TPRKB: variants seen among roughly 807,000 people sequenced by gnomAD.
TPRKB encodes TP53RK binding protein, also known as EKC/KEOPS complex subunit TPRKB.
Under a neutral mutation model 17.8 loss-of-function variants are expected in TPRKB, and 11 were observed. The ratio of observed to expected loss-of-function variants is 0.62; its 90% confidence interval spans 0.39 to 1.02. TPRKB has a LOEUF of 1.02. Among genes scored for constraint, TPRKB ranks in the 50% least tolerant of loss-of-function variants. The pLI, the probability that TPRKB is intolerant of heterozygous loss-of-function variation, is 0.00. For synonymous variants in TPRKB, 71 were observed against 69.5 expected (o/e 1.02, Z -0.11); for missense variants, 228 against 198.0 (o/e 1.15, Z -0.91).
chr2:73,733,251 T>G (rs1390385991), intron 2 of TPRKB, among the ~76,000 whole-genome samples: 1 of 143,742 alleles, frequency 7.0e-6, no homozygotes, highest in East Asian at 2.0e-4. Flanking sequence ...GCCCTGTTTT[T>G]TTGTTTTTTT....
chr2:73,732,144 A>G lies in TPRKB; in HGVS notation c.264+19T>C, dbSNP rs1671639680. 6.2e-7 allele frequency: 1 copy of G among 1,608,912 alleles called. No individual in the cohort carries two copies. The highest frequency in any genetic ancestry group is 8.5e-7 in the Non-Finnish European group (1 of 1,178,038). On this transcript the variant is annotated intron_variant, in intron 3 of 4. Transcript: ENST00000272424. Reference sequence around the variant, plus strand: ...TGTTATTATGACACGGTCAACAGAAATAGGAAAGTGCACATTACATTGTTA... The same window carrying G: ...TGTTATTATGACACGGTCAACAGAAGTAGGAAAGTGCACATTACATTGTTA...
chr2:73,734,472 G>C lies in TPRKB; in HGVS notation c.98C>G (p.Ala33Gly). 6.2e-7 allele frequency: 1 copy of C among 1,613,872 alleles called. No homozygotes were observed. The highest frequency in any genetic ancestry group is 8.5e-7 in the Non-Finnish European group (1 of 1,179,914). Residue 33 changes from alanine (A) to glycine (G), a missense_variant, in exon 2 of 5, where the codon GCC (alanine) becomes GGC (glycine). Physicochemically the swap from Ala to Gly is moderately conservative, Grantham distance 60. Coordinates refer to ENST00000272424, the MANE Select transcript of TPRKB (RefSeq NM_016058.5). Reference protein sequence around the residue: ...VKNAGDLRRKAMEGTIDGSLI... With the variant: ...VKNAGDLRRKGMEGTIDGSLI... ...TGATCCATCGATGGTGCCTTCCATG[G>C]CCTTTCTTCTCAAGTCTCCCGCATT...
chr2:73,729,879 A>G lies in TPRKB; in HGVS notation c.*64T>C, dbSNP rs1671507561. The G allele has an allele frequency of 8.0e-6, 11 of 1,373,576 alleles. No homozygotes were observed. The highest frequency in any genetic ancestry group is 1.9e-4 in the Middle Eastern group (1 of 5,156). The allele number at this position is 1,373,576 out of a possible 1,614,324, so 85.1% of individuals were successfully genotyped here. ...TTCTATAATGCACAATTAGTTTTATAGTCAGGAAAGGAAAATCAATGTTTT... is the reference window on the plus strand; with the variant it reads ...TTCTATAATGCACAATTAGTTTTATGGTCAGGAAAGGAAAATCAATGTTTT... On this transcript the variant is annotated 3_prime_UTR_variant, in exon 5 of 5. Transcript: ENST00000272424.
chr2:73,730,815 C>T, intron 3 of TPRKB, 79 bp from the exon 4 acceptor site: 1 of 1,058,504 alleles, frequency 9.4e-7, no homozygotes, highest in Non-Finnish European at 1.3e-6. Context: ...CCTGATCTGC[C>T]TTCTTCCTTG....
intron 1 of TPRKB, among the ~76,000 whole-genome samples, chr2:73,736,764 A>G (rs768402268): frequency 3.9e-5 from 6 of 152,124 alleles, no homozygotes; most frequent in Non-Finnish European, 8.8e-5. Context: ...ATCCTTTCAA[A>G]ATGTACATCA....
chr2:73,733,578 A>G (rs895126811), intron 2 of TPRKB, among the ~76,000 whole-genome samples: 1 of 151,798 alleles, frequency 6.6e-6, no homozygotes, highest in Non-Finnish European at 1.5e-5. Context: ...AGGAACCCCC[A>G]TTTTAAAGAT....
In TPRKB at chr2:73,730,566, G is replaced by A; in HGVS notation, c.435C>T (p.Val145=). ...NLPEIMNITE[V]KKIYKLSSQE... ...AAAATATGGACTGGCAAACCTTTTT[G>A]ACTTCTGTAATATTCATTATTTCAG... The change falls in exon 4 of 5, where the codon GTC becomes GTT. Residue 145 remains valine, a synonymous_variant. Coordinates refer to ENST00000272424, the MANE Select transcript of TPRKB (RefSeq NM_016058.5). 2.5e-6 allele frequency: 4 copies of A among 1,578,246 alleles called. No individual in the cohort carries two copies. The highest frequency in any genetic ancestry group is 2.3e-5 in the East Asian group (1 of 43,154).
chr2:73,730,501 A>G, intron 4 of TPRKB, 59 bp downstream of exon 4: 1 of 1,223,010 alleles, frequency 8.2e-7, no homozygotes, highest in Non-Finnish European at 1.1e-6. Flanking sequence ...CAATAGGCAA[A>G]CGGCATCAGC....
In TPRKB at chr2:73,729,880, G is replaced by A. The variant is rs1341111997; in HGVS notation, c.*63C>T. ...TCTATAATGCACAATTAGTTTTATA[G>A]TCAGGAAAGGAAAATCAATGTTTTC... On this transcript the variant is annotated 3_prime_UTR_variant, in exon 5 of 5. Transcript: ENST00000272424. 3 of 1,350,246 alleles carry A rather than the reference G, an allele frequency of 2.2e-6. No homozygotes were observed. Among genetic ancestry groups the A allele is most frequent in the Admixed American group, 5.9e-5 (2 of 33,878 alleles). 83.6% of individuals were successfully genotyped at this position (1,350,246 alleles called of 1,614,324 possible).
In TPRKB at chr2:73,730,004, T is replaced by G; in HGVS notation, c.467A>C (p.Glu156Ala). The G allele has an allele frequency of 6.4e-7, 1 of 1,574,770 alleles. No individual in the cohort carries two copies. ...KKIYKLSSQEESIGTLLDAII... is the reference protein window; with the variant it reads ...KKIYKLSSQEASIGTLLDAII... Reference sequence around the variant, plus strand: ...AGCATCCAATAATGTCCCAATACTTTCTTCTTGTGAAGAGAGTTTATATAT... The same window carrying G: ...AGCATCCAATAATGTCCCAATACTTGCTTCTTGTGAAGAGAGTTTATATAT... Residue 156 changes from glutamate (E) to alanine (A), a missense_variant, in exon 5 of 5, where the codon GAA becomes GCA. Coordinates refer to ENST00000272424, the MANE Select transcript of TPRKB (RefSeq NM_016058.5).
chr2:73,735,290 C>T (rs751466152), intron 1 of TPRKB, among the ~76,000 whole-genome samples: 2 of 151,666 alleles, frequency 1.3e-5, no homozygotes, highest in Non-Finnish European at 2.9e-5. Flanking sequence ...CGAGATCATA[C>T]CATTGCACCC....
intron 2 of TPRKB, chr2:73,732,747 C>CCTGGGTAGT (rs1287835632): frequency 6.5e-6 from 1 of 152,840 alleles, no homozygotes; most frequent in African/African-American, 2.4e-5. Flanking sequence ...ATCCCAAGGG[C>CCTGGGTAGT]CTGGGTAGTC....
chr2:73,732,684 G>C (rs1470725499), intron 2 of TPRKB: 2 of 156,708 alleles, frequency 1.3e-5, no homozygotes, highest in Non-Finnish European at 2.8e-5. Context: ...ACTCCAGCCT[G>C]GGCAACAAGA....
chr2:73,732,418 A>C (rs1671657986), intron 2 of TPRKB, 133 bp from the exon 3 acceptor site: 1 of 1,097,556 alleles, frequency 9.1e-7, no homozygotes, highest in Non-Finnish European at 1.3e-6. Flanking sequence ...GTATTTTCAA[A>C]ACTATTATCC....
At chr2:73,732,085 A>C in intron 3 of TPRKB, 78 bp downstream of exon 3, 1 of 1,492,650 alleles carries the variant, frequency 6.7e-7, no homozygotes, top group Non-Finnish European at 9.1e-7. Flanking sequence ...GCTTGCAGGA[A>C]TTTAGCCTCC....
At chr2:73,732,454 G>T in intron 2 of TPRKB, 169 bp from the exon 3 acceptor site, 1 of 734,316 alleles carries the variant, frequency 1.4e-6, no homozygotes, top group Non-Finnish European at 2.1e-6. Flanking sequence ...GCTCACACCT[G>T]TAATCCTAGC....
At position 73,732,426 on chromosome 2, in the gene TPRKB, T is replaced by C. The variant is rs1318578522; in HGVS notation, c.142-141A>G. The C allele has an allele frequency of 6.7e-6, 7 of 1,038,148 alleles. No homozygotes were observed. In the African/African-American group the frequency reaches 8.1e-5, roughly 12 times the overall value. The allele number at this position is 1,038,148 out of a possible 1,614,324, so 64.3% of individuals were successfully genotyped here. On this transcript the variant is annotated intron_variant, in intron 2 of 4. Coordinates refer to ENST00000272424, the MANE Select transcript of TPRKB (RefSeq NM_016058.5). ...ACGGTCTGTATTTTCAAAACTATTATCCCGGCTGGGCACGGTGGCTCACAC... is the reference window on the plus strand; with the variant it reads ...ACGGTCTGTATTTTCAAAACTATTACCCCGGCTGGGCACGGTGGCTCACAC...
intron 3 of TPRKB, 150 bp from the exon 4 acceptor site, chr2:73,730,886 T>C: frequency 1.9e-6 from 1 of 532,146 alleles, no homozygotes; most frequent in Non-Finnish European, 3.1e-6. Context: ...ACTTTAATGA[T>C]TCCTTTCCAA....
intron 1 of TPRKB, among the ~76,000 whole-genome samples, chr2:73,737,056 G>A (rs1671921128): frequency 6.6e-6 from 1 of 152,102 alleles, no homozygotes; most frequent in African/African-American, 2.4e-5. Context: ...TTAGTCTGAG[G>A]ACTAGCTCCT....
Sources: gnomAD v4.1 joint callset for allele counts (sites outside exome capture counted in the v4.1 genomes callset) on GRCh38, gnomAD v4.1.1 for gene constraint, MANE v1.5 for transcripts, NCBI Gene and HGNC (gene_info 2026-07-23, HGNC 2026-07-21) for gene names.